The following COL27A1 variants were observed in gnomAD, a reference collection of about 807,000 sequenced individuals.
The protein encoded by COL27A1 is collagen alpha-1(XXVII) chain.
COL27A1 carries 106 observed loss-of-function variants against 251.3 expected under a neutral mutation model. The observed-to-expected ratio is 0.42, with a 90% CI of 0.36 to 0.50. The LOEUF (loss-of-function observed/expected upper bound fraction) is 0.50. Among genes scored for constraint, COL27A1 ranks in the 20% least tolerant of loss-of-function variants. COL27A1 has a pLI of 0.00. For synonymous variants in COL27A1, 1,000 were observed against 986.3 expected (o/e 1.01, Z -0.26); for missense variants, 2,325 against 2,522.8 (o/e 0.92, Z 1.68).
intron 23 of COL27A1, among the ~76,000 whole-genome samples, chr9:114,245,475 C>T (rs750522779): frequency 1.6e-4 from 24 of 152,140 alleles, no homozygotes; most frequent in African/African-American, 4.8e-4. Context: ...GCATTTCAAC[C>T]GGGCAGACCA....
chr9:114,205,712 T>A, intron 8 of COL27A1, 47 bp from the exon 9 acceptor site: 1 of 1,550,456 alleles, frequency 6.4e-7, no homozygotes, highest in Non-Finnish European at 8.9e-7. Context: ...GACCCAGAGC[T>A]GGGCAGGGTC....
At chr9:114,272,902 TGA>T (rs146987894) in intron 36 of COL27A1, 4,610 of 152,280 alleles carry the variant, frequency 0.03, 100 homozygotes, top group South Asian at 0.1. Context: ...CACACAGCAC[TGA>T]CTCACTCGGT....
chr9:114,295,076 A>G (rs1423238333), intron 49 of COL27A1, among the ~76,000 whole-genome samples: 5 of 152,362 alleles, frequency 3.3e-5, no homozygotes, highest in African/African-American at 1.2e-4. Flanking sequence ...ACACTAATCA[A>G]TGAGCACAAA....
rs200938073 is a variant in COL27A1, at chr9:114,300,704, C to T, written c.4701+17C>T. 535 of 1,492,324 alleles carry T rather than the reference C, an allele frequency of 3.6e-4. 4 individuals carry two copies. In the African/African-American group the frequency reaches 7.2e-3, roughly 20 times the overall value. 92.4% of individuals were successfully genotyped at this position (1,492,324 alleles called of 1,614,324 possible). A position where few individuals can be genotyped will look rare whatever the true frequency, so the allele number is the denominator to read the frequency against. ...GGCTTGATGGTGAGTTCCCTCCCTGCTGTCGGAGCAGAGATGATTGTCCTA... is the reference window on the plus strand; with the variant it reads ...GGCTTGATGGTGAGTTCCCTCCCTGTTGTCGGAGCAGAGATGATTGTCCTA... On this transcript the variant is annotated intron_variant, in intron 51 of 60. Transcript: ENST00000356083.
At chr9:114,208,216 T>A (rs1258702106) in intron 10 of COL27A1, among the ~76,000 whole-genome samples, 1 of 152,064 alleles carries the variant, frequency 6.6e-6, no homozygotes, top group Non-Finnish European at 1.5e-5. Flanking sequence ...GGCGGGTGGA[T>A]CACCTGAGGC....
At chr9:114,284,833 G>A in intron 41 of COL27A1, 56 bp downstream of exon 41, 1 of 1,587,850 alleles carries the variant, frequency 6.3e-7, no homozygotes, top group Non-Finnish European at 8.6e-7. Context: ...GCTGAGGTCA[G>A]CTTCAGGGCC....
At chr9:114,205,257 C>A in intron 8 of COL27A1, 111 bp downstream of exon 8, 2 of 993,766 alleles carry the variant, frequency 2.0e-6, no homozygotes, top group Non-Finnish European at 3.0e-6. Context: ...CAGAGCCAGG[C>A]TGTTTTGCCT....
At chr9:114,252,557 AG>A in intron 25 of COL27A1, 35 bp from the exon 26 acceptor site, 1 of 1,603,476 alleles carries the variant, frequency 6.2e-7, no homozygotes, top group Non-Finnish European at 8.5e-7. Flanking sequence ...CCACAGCCAT[AG>A]CCGTGACCTG....
At chr9:114,270,876 A>G in intron 36 of COL27A1, 95 bp downstream of exon 36, 2 of 973,534 alleles carry the variant, frequency 2.1e-6, no homozygotes. Context: ...CTGTGTTCCC[A>G]TAGAGATCTG....
intron 16 of COL27A1, 58 bp downstream of exon 16, chr9:114,231,924 G>A (rs755999399): frequency 2.4e-5 from 37 of 1,549,322 alleles, no homozygotes; most frequent in Non-Finnish European, 2.8e-5. Context: ...CCCCCTCTCC[G>A]CCCGGAGGCT....
chr9:114,157,696 C>G (rs1017399526), intron 1 of COL27A1, among the ~76,000 whole-genome samples: 1 of 152,246 alleles, frequency 6.6e-6, no homozygotes. Flanking sequence ...CAGTGAGACA[C>G]TCACAGAATC....
intron 14 of COL27A1, among the ~76,000 whole-genome samples, chr9:114,229,137 G>A (rs1484204660): frequency 6.6e-6 from 1 of 152,258 alleles, no homozygotes; most frequent in East Asian, 1.9e-4. Flanking sequence ...CCTGAAAGCA[G>A]AATTTCTTAG....
intron 40 of COL27A1, among the ~76,000 whole-genome samples, chr9:114,284,423 C>T (rs2131599070): frequency 6.6e-6 from 1 of 152,298 alleles, no homozygotes; most frequent in East Asian, 1.9e-4. Context: ...GCATTTTGCC[C>T]CTGTCCCTGG....
chr9:114,255,841 G>T (rs1833883464), intron 27 of COL27A1, among the ~76,000 whole-genome samples: 2 of 152,170 alleles, frequency 1.3e-5, no homozygotes, highest in African/African-American at 4.8e-5. Flanking sequence ...AGATACATGG[G>T]GGTGAAATTC....
chr9:114,289,261 G>A lies in COL27A1; in HGVS notation c.4172G>A (p.Gly1391Glu). Reference sequence around the variant, plus strand: ...TTGCAGGGGCATCCGGGACCCCGGGGGTGGCCGGGACCCAAAGGATCGAAA... The same window carrying A: ...TTGCAGGGGCATCCGGGACCCCGGGAGTGGCCGGGACCCAAAGGATCGAAA... ...QGQPGHPGPR[G>E]WPGPKGSKGA... is the part of the protein sequence containing the mutation. Residue 1391 changes from glycine (G) to glutamate (E), a missense_variant, in exon 45 of 61, where the codon GGG (glycine) becomes GAG (glutamate). Physicochemically the swap from Gly to Glu is moderately conservative, Grantham distance 98. Transcript: ENST00000356083. The A allele has an allele frequency of 6.3e-7, 1 of 1,595,952 alleles. No individual in the cohort carries two copies.
chr9:114,304,618 A>G lies in COL27A1; in HGVS notation c.4883A>G (p.Asp1628Gly). 2 of 1,614,124 alleles carry G rather than the reference A, an allele frequency of 1.2e-6. No homozygotes were observed. Among genetic ancestry groups the G allele is most frequent in the Non-Finnish European group, 1.7e-6 (2 of 1,179,990 alleles). Residue 1628 changes from aspartate to glycine, a missense_variant, in exon 57 of 61, where the codon GAT (aspartate) becomes GGT (glycine). Transcript: ENST00000356083. ...CTTTTCCTTGCCCAGCAACAAGATG[A>G]TCTTGGGGCAGCTTTCCAGACGTGG... ...PGGPIQLQQD[D>G]LGAAFQTWMD...
chr9:114,228,224 T>C (rs1831647745), intron 14 of COL27A1, among the ~76,000 whole-genome samples: 1 of 152,150 alleles, frequency 6.6e-6, no homozygotes, highest in Non-Finnish European at 1.5e-5. Context: ...CTGCACTGAA[T>C]TCAGTCCCAC....
In COL27A1 at chr9:114,231,818, G is replaced by T; in HGVS notation, c.2521-4G>T. On this transcript the variant is annotated splice_region_variant and splice_polypyrimidine_tract_variant and intron_variant, in intron 15 of 60. Transcript: ENST00000356083. ...CACAGCTGGCCTTGGGCTTTGTCTTGCAGGGACTGATGGGCAGCGTGGGGG... is the reference window on the plus strand; with the variant it reads ...CACAGCTGGCCTTGGGCTTTGTCTTTCAGGGACTGATGGGCAGCGTGGGGG... 20 of 1,614,190 alleles carry T rather than the reference G, an allele frequency of 1.2e-5. No homozygotes were observed. The highest frequency in any genetic ancestry group is 1.5e-5 in the Non-Finnish European group (18 of 1,180,018).
rs1385545957 is a variant in COL27A1, at chr9:114,290,958, T to C, written c.4476+41T>C. On this transcript the variant is annotated intron_variant, in intron 48 of 60. Transcript: ENST00000356083. The surrounding 1 kb of genome is among the most constrained non-coding windows in gnomAD (Gnocchi z 4.6). ...ATACACTTACCCACCCTCTGCCCTT[T>C]CTGCCTTGATGCAGACTCTAGTGGT... is the stretch of plus-strand genomic sequence containing the variant. 2 of 1,443,468 alleles carry C rather than the reference T, an allele frequency of 1.4e-6. No homozygotes were observed. The highest frequency in any genetic ancestry group is 4.1e-5 in the Admixed American group (2 of 48,858). 89.4% of individuals were successfully genotyped at this position (1,443,468 alleles called of 1,614,324 possible).
Sources: allele counts gnomAD v4.1 joint callset (sites outside exome capture counted in the v4.1 genomes callset), GRCh38; gene constraint gnomAD v4.1.1; non-coding constraint Gnocchi (gnomAD v3.1); transcripts MANE v1.5; gene names NCBI Gene and HGNC (gene_info 2026-07-23, HGNC 2026-07-21).